Variants in TYW1 observed in about 807,000 individuals in gnomAD.
TYW1 encodes tRNA-yW synthesizing protein 1 homolog, also known as S-adenosyl-L-methionine-dependent tRNA 4-demethylwyosine synthase TYW1.
In TYW1, 46 loss-of-function variants were observed where a neutral mutation model predicts 96.2. The ratio of observed to expected loss-of-function variants is 0.48; its 90% CI spans 0.38 to 0.61. The LOEUF is 0.61. Among genes scored for constraint, TYW1 ranks in the 20% least tolerant of loss-of-function variants. The pLI is 0.00. For synonymous variants in TYW1, 274 were observed against 323.0 expected (o/e 0.85, Z 1.63); for missense variants, 684 against 909.6 (o/e 0.75, Z 3.19).
chr7:67,100,314 G>A (rs1397598808), intron 12 of TYW1, among the ~76,000 whole-genome samples: 4 of 151,992 alleles, frequency 2.6e-5, no homozygotes, highest in Non-Finnish European at 4.4e-5. Flanking sequence ...GGCACACGCT[G>A]TAACACCAAA....
chr7:67,232,091 C>T (rs1483197287), intron 15 of TYW1, among the ~76,000 whole-genome samples: 19 of 150,456 alleles, frequency 1.3e-4, no homozygotes, highest in African/African-American at 4.7e-4. Flanking sequence ...ATTAGCCGGG[C>T]GTGGTGGCGT....
intron 7 of TYW1, among the ~76,000 whole-genome samples, chr7:67,027,997 G>A (rs1419699749): frequency 6.6e-6 from 1 of 151,202 alleles, no homozygotes; most frequent in Non-Finnish European, 1.5e-5. Context: ...CACTTTGGGA[G>A]GCCGAGGTGG....
In TYW1 at chr7:67,102,656, A is replaced by AT. The variant is rs940069075; in HGVS notation, c.1562+3951dup. On this transcript the variant is annotated intron_variant, in intron 12 of 15. Transcript: ENST00000359626. ...AGGAAATAGAGGTTACACTTTTGGAATTTTTTTTTTTTTGAGATGGAGTCT... is the reference window on the plus strand; with the variant it reads ...AGGAAATAGAGGTTACACTTTTGGAATTTTTTTTTTTTTTGAGATGGAGTCT... Among the ~76,000 whole-genome samples, 165 of 146,658 alleles carry AT rather than the reference A, an allele frequency of 1.1e-3. 1 individual carries two copies. The highest frequency in any genetic ancestry group is 1.0e-2 in the South Asian group (46 of 4,618).
At chr7:67,193,886 G>A (rs1386954571) in intron 14 of TYW1, among the ~76,000 whole-genome samples, 1 of 151,828 alleles carries the variant, frequency 6.6e-6, no homozygotes, top group Non-Finnish European at 1.5e-5. Flanking sequence ...GAATGTGTAT[G>A]AGGGGTGCAC....
At chr7:67,173,947 T>C (rs1174337984) in intron 13 of TYW1, among the ~76,000 whole-genome samples, 2 of 140,080 alleles carry the variant, frequency 1.4e-5, no homozygotes, top group African/African-American at 5.5e-5. Context: ...AAATGTTGAA[T>C]CAGCCTTACC....
intron 7 of TYW1, among the ~76,000 whole-genome samples, chr7:67,040,024 T>C (rs1794965087): frequency 6.6e-6 from 1 of 151,868 alleles, no homozygotes; most frequent in Admixed American, 6.6e-5. Flanking sequence ...TGGTGCAATC[T>C]TGGCTCACTG....
intron 9 of TYW1, among the ~76,000 whole-genome samples, chr7:67,056,592 G>A (rs1192279718): frequency 3.9e-5 from 6 of 151,918 alleles, no homozygotes; most frequent in South Asian, 4.1e-4. Flanking sequence ...AGATGCATCC[G>A]TGTCGTATCA....
rs141097613 is a variant in TYW1, at chr7:67,160,813, A to C, written c.1699-22313A>C. On this transcript the variant is annotated intron_variant, in intron 13 of 15. Coordinates refer to ENST00000359626, the MANE Select transcript of TYW1 (RefSeq NM_018264.4). ...CACCACGTTGGCCAGGCTGATTTCG[A>C]ACTCCTGACCTCAAGTGATCTGCCC... Among the ~76,000 whole-genome samples the C allele has an allele frequency of 2.2e-3, 335 of 151,610 alleles. 4 individuals carry two copies. The highest frequency in any genetic ancestry group is 7.9e-3 in the African/African-American group (324 of 41,186).
chr7:67,177,514 T>G (rs1305494073), intron 13 of TYW1, among the ~76,000 whole-genome samples: 2 of 152,122 alleles, frequency 1.3e-5, no homozygotes, highest in African/African-American at 4.8e-5. Context: ...GAAAATCAGT[T>G]GGAAAAAAGA....
rs752371499 is a variant in TYW1 at position 67,067,455 on chromosome 7, A to C, written c.1274+52A>C. 3.9e-5 allele frequency: 63 copies of C among 1,600,798 alleles called. 1 individual carries two copies. In the South Asian group the frequency reaches 6.8e-4, roughly 17 times the overall value. ...ATCGAATATGTAATGAGCTGTGGTAATCAATCTGCCCAGCTCACACTCAGA... is the reference window on the plus strand; with the variant it reads ...ATCGAATATGTAATGAGCTGTGGTACTCAATCTGCCCAGCTCACACTCAGA... On this transcript the variant is annotated intron_variant, in intron 10 of 15. Transcript: ENST00000359626.
chr7:67,183,110 T>G lies in TYW1; in HGVS notation c.1699-16T>G. The G allele has an allele frequency of 6.3e-7, 1 of 1,592,208 alleles. No individual in the cohort carries two copies. The highest frequency in any genetic ancestry group is 8.6e-7 in the Non-Finnish European group (1 of 1,168,492). ...CCACCAAGATAACAACGAACTTGGC[T>G]TTTCCTTTGTTTTAGCAACAACGAA... On this transcript the variant is annotated splice_polypyrimidine_tract_variant and intron_variant, in intron 13 of 15. Transcript: ENST00000359626.
At chr7:67,038,915 A>G (rs531822972) in intron 7 of TYW1, among the ~76,000 whole-genome samples, 1 of 152,286 alleles carries the variant, frequency 6.6e-6, no homozygotes, top group Non-Finnish European at 1.5e-5. Context: ...AAAGCAAAAC[A>G]AAACAAACAA....
At chr7:67,009,524 A>G (rs1019884196) in intron 3 of TYW1, 59 bp from the exon 4 acceptor site, 3 of 1,483,708 alleles carry the variant, frequency 2.0e-6, no homozygotes, top group African/African-American at 2.8e-5. Context: ...AACAGGGGTA[A>G]TGAGGGTTAT....
At chr7:67,072,516 A>G in intron 10 of TYW1, among the ~76,000 whole-genome samples, 1 of 151,914 alleles carries the variant, frequency 6.6e-6, no homozygotes, top group Non-Finnish European at 1.5e-5. Context: ...CAAAGTGCTG[A>G]GATTACAGGA....
intron 3 of TYW1, among the ~76,000 whole-genome samples, chr7:67,002,140 T>C (rs1793416429): frequency 6.6e-6 from 1 of 151,528 alleles, no homozygotes; most frequent in African/African-American, 2.4e-5. Context: ...CTCGACCTCT[T>C]GGGCTCCAGC....
intron 4 of TYW1, 35 bp from the exon 5 acceptor site, chr7:67,014,332 G>A (rs776215666): frequency 5.1e-6 from 8 of 1,557,556 alleles, no homozygotes; most frequent in South Asian, 1.2e-5. Flanking sequence ...TTTATGCCTT[G>A]TATGTTCCAC....
At chr7:67,029,434 A>ATATATATATATATATATATACATACAT (rs1251271240) in intron 7 of TYW1, among the ~76,000 whole-genome samples, 3 of 60,400 alleles carry the variant, frequency 5.0e-5, no homozygotes, top group Non-Finnish European at 6.9e-5. Context: ...TATATATATA[A>ATATATATATATATATATATACATACAT]ATAGTATTTT....
intron 11 of TYW1, chr7:67,089,275 A>G: frequency 2.9e-6 from 4 of 1,367,378 alleles, no homozygotes; most frequent in Non-Finnish European, 4.1e-6. Flanking sequence ...GTGGGGGCAA[A>G]CCAGGCTCCT....
At chr7:67,163,225 A>G (rs1799215358) in intron 13 of TYW1, among the ~76,000 whole-genome samples, 1 of 152,162 alleles carries the variant, frequency 6.6e-6, no homozygotes, top group Non-Finnish European at 1.5e-5. Context: ...ACATTGCTCC[A>G]TACTACTCAT....
Sources: gnomAD v4.1 joint callset for allele counts (sites outside exome capture counted in the v4.1 genomes callset) on GRCh38, gnomAD v4.1.1 for gene constraint, MANE v1.5 for transcripts, NCBI Gene and HGNC (gene_info 2026-07-23, HGNC 2026-07-21) for gene names.